TBC1D14: variants seen among roughly 807,000 people sequenced by gnomAD.
The protein encoded by TBC1D14 is TBC1 domain family, member 14.
A neutral mutation model predicts 79.0 loss-of-function variants in TBC1D14; 26 were observed. That is an observed-to-expected ratio of 0.33 (90% CI 0.24 to 0.46). TBC1D14 has a LOEUF of 0.46. Among genes scored for constraint, TBC1D14 ranks in the 20% least tolerant of loss-of-function variants. TBC1D14 has a pLI of 1.00. For missense variants in TBC1D14, 769 were observed against 887.6 expected, an observed-to-expected ratio of 0.87 and a Z score of 1.70; for synonymous variants, 394 against 349.9, an observed-to-expected ratio of 1.13 and a Z score of -1.40.
In TBC1D14 at chr4:7,030,582, G is replaced by A; in HGVS notation, c.*190G>A. ...GAATTAAACCAAGGCTTAGCCTTAA[G>A]CAGCTCAGTGGAAGGATGAGCTGCT... On this transcript the variant is annotated 3_prime_UTR_variant, in exon 14 of 14. Transcript: ENST00000409757. 1 of 543,320 alleles carries A rather than the reference G, an allele frequency of 1.8e-6. No individual in the cohort carries two copies. The highest frequency in any genetic ancestry group is 3.3e-6 in the Non-Finnish European group (1 of 303,902). 33.7% of individuals were successfully genotyped at this position (543,320 alleles called of 1,614,324 possible).
intron 2 of TBC1D14, among the ~76,000 whole-genome samples, chr4:6,943,308 C>T (rs1473325870): frequency 2.0e-5 from 3 of 152,200 alleles, no homozygotes; most frequent in Non-Finnish European, 4.4e-5. Context: ...CTGGGAGCCT[C>T]GGCTGTGATG....
At position 6,987,242 on chromosome 4, in the gene TBC1D14, C is replaced by A. The variant is rs972661927; in HGVS notation, c.844-6942C>A. ...CCGCCCCGCGAGTCTGAGGAGCCGC[C>A]GCGTCCGCCCGCCCGCCCGCGGTCC... On this transcript the variant is annotated intron_variant, in intron 3 of 13. Coordinates refer to ENST00000409757, the MANE Select transcript of TBC1D14 (RefSeq NM_020773.3). 7.9e-6 allele frequency: 10 copies of A among 1,261,860 alleles called. No individual in the cohort carries two copies. The African/African-American group carries it at 1.2e-4, about 16-fold the overall frequency. The allele number at this position is 1,261,860 out of a possible 1,614,324, so 78.2% of individuals were successfully genotyped here. A position where few individuals can be genotyped will look rare whatever the true frequency, so the allele number is the denominator to read the frequency against.
chr4:6,987,568 C>T (rs955443363), intron 3 of TBC1D14: 3 of 406,614 alleles, frequency 7.4e-6, no homozygotes, highest in Non-Finnish European at 1.3e-5. Flanking sequence ...CTCCCTGGTA[C>T]TCTTTGTGTC....
At position 6,994,188 on chromosome 4, in the gene TBC1D14, A is replaced by G. The variant is rs1282548941; in HGVS notation, c.848A>G (p.Tyr283Cys). Residue 283 changes from tyrosine (Y) to cysteine (C), a missense_variant, in exon 4 of 14, where the codon TAT (tyrosine) becomes TGT (cysteine). By Grantham distance (194) the Tyr-to-Cys change is radical (BLOSUM62 -2). Transcript: ENST00000409757. ...QKDSKRIQKE[Y>C]EDKAGRPSKP... ...TCCCTGGTTTCTTTGTCCTAGGAAT[A>G]TGAAGACAAGGCTGGAAGACCTAGC... 6 of 1,613,968 alleles carry G rather than the reference A, an allele frequency of 3.7e-6. No homozygotes were observed. The South Asian group carries it at 4.4e-5, about 12-fold the overall frequency.
intron 1 of TBC1D14, among the ~76,000 whole-genome samples, chr4:6,913,360 T>C (rs1219785591): frequency 1.3e-5 from 2 of 152,238 alleles, no homozygotes; most frequent in Non-Finnish European, 2.9e-5. Context: ...AATGGTTAAG[T>C]GTTCAGCTTA....
chr4:6,964,899 A>G (rs112796850), intron 2 of TBC1D14, among the ~76,000 whole-genome samples: 1,542 of 152,252 alleles, frequency 0.01, 26 homozygotes, highest in African/African-American at 0.035. Context: ...AGATTTACCA[A>G]CTGTGTGCAT....
rs768507151 is a variant in TBC1D14, at chr4:7,001,261, C to T, written c.1270+10C>T. ...TTAAATATCACCCACGGTGAGTGGC[C>T]TGCATGATCCTGGGGAGTCCACCTC... On this transcript the variant is annotated intron_variant, in intron 7 of 13. Coordinates refer to ENST00000409757, the MANE Select transcript of TBC1D14 (RefSeq NM_020773.3). 22 of 1,609,722 alleles carry T rather than the reference C, an allele frequency of 1.4e-5. No homozygotes were observed. The South Asian group carries it at 2.0e-4, about 14-fold the overall frequency.
At chr4:7,019,021 TTTTTG>T (rs1389172820) in intron 12 of TBC1D14, among the ~76,000 whole-genome samples, 1 of 152,178 alleles carries the variant, frequency 6.6e-6, no homozygotes, top group Non-Finnish European at 1.5e-5. Context: ...TTTCCATCTT[TTTTTG>T]TTGTTGTTGT....
intron 1 of TBC1D14, among the ~76,000 whole-genome samples, chr4:6,919,993 C>T (rs1185237287): frequency 6.6e-6 from 1 of 151,088 alleles, no homozygotes; most frequent in East Asian, 2.0e-4. Context: ...CAGCTTACTA[C>T]TGTCTTGAAC....
chr4:7,007,763 G>A lies in TBC1D14; in HGVS notation c.1446+1037G>A, dbSNP rs116402039. On this transcript the variant is annotated intron_variant, in intron 9 of 13. Transcript: ENST00000409757. ...CTTTTGCCCCAGTTCGTCTCCATAGGCCTCAGTGCACTCCATGCTTTGCAG... is the reference window on the plus strand; with the variant it reads ...CTTTTGCCCCAGTTCGTCTCCATAGACCTCAGTGCACTCCATGCTTTGCAG... 254 of 395,412 alleles carry A rather than the reference G, an allele frequency of 6.4e-4. 2 individuals are homozygous for A. The highest frequency in any genetic ancestry group is 4.9e-3 in the African/African-American group (234 of 47,754). 24.5% of individuals were successfully genotyped at this position (395,412 alleles called of 1,614,324 possible).
At position 6,923,917 on chromosome 4, in the gene TBC1D14, C is replaced by T. The variant is rs531196062; in HGVS notation, c.528C>T (p.Asp176=). The stretch of plus-strand genomic sequence containing the variant: ...CCACGCTGTCCGTCAGCAATGAGGA[C>T]ATCTTGGACCTTGTGGTCACGAGCA... ...LSTTLSVSNE[D]ILDLVVTSSS... is the part of the protein sequence containing the mutation. Residue 176 remains aspartate (D), a synonymous_variant, in exon 2 of 14, where the codon GAC becomes GAT. Coordinates refer to ENST00000409757, the MANE Select transcript of TBC1D14 (RefSeq NM_020773.3). The T allele has an allele frequency of 2.7e-5, 44 of 1,614,180 alleles. No homozygotes were observed. Among genetic ancestry groups the T allele is most frequent in the Admixed American group, 2.5e-4 (15 of 60,026 alleles).
intron 12 of TBC1D14, among the ~76,000 whole-genome samples, chr4:7,016,060 C>G (rs150792168): frequency 6.5e-4 from 99 of 152,354 alleles, no homozygotes; most frequent in African/African-American, 2.2e-3. Flanking sequence ...TGAAAGGAAG[C>G]TGACCCTTAG....
At chr4:7,017,952 A>G (rs1197674295) in intron 12 of TBC1D14, among the ~76,000 whole-genome samples, 1 of 152,198 alleles carries the variant, frequency 6.6e-6, no homozygotes, top group African/African-American at 2.4e-5. Flanking sequence ...GGGAGGAAGC[A>G]AAGGGGAAGA....
intron 13 of TBC1D14, among the ~76,000 whole-genome samples, chr4:7,026,033 G>C (rs1016521471): frequency 2.0e-5 from 3 of 152,152 alleles, no homozygotes; most frequent in African/African-American, 7.2e-5. Context: ...CCATGCCTGG[G>C]GGATTTCTTT....
intron 3 of TBC1D14, among the ~76,000 whole-genome samples, chr4:6,972,985 C>T (rs868259060): frequency 1.3e-5 from 2 of 152,090 alleles, no homozygotes; most frequent in South Asian, 2.1e-4. Context: ...TAGGGATTGA[C>T]GTCGTTGTTG....
At chr4:6,958,577 G>A (rs1479724219) in intron 2 of TBC1D14, among the ~76,000 whole-genome samples, 1 of 152,064 alleles carries the variant, frequency 6.6e-6, no homozygotes, top group Non-Finnish European at 1.5e-5. Context: ...CCATAGGTGT[G>A]CACTACCACG....
intron 12 of TBC1D14, among the ~76,000 whole-genome samples, chr4:7,015,610 A>G (rs1444113248): frequency 1.3e-5 from 2 of 152,152 alleles, no homozygotes; most frequent in African/African-American, 4.8e-5. Flanking sequence ...CTGTTAGCCC[A>G]GAGAGCACCA....
chr4:6,979,283 CACAGCAGTTG>C (rs1717139005), intron 3 of TBC1D14, among the ~76,000 whole-genome samples: 1 of 152,142 alleles, frequency 6.6e-6, no homozygotes, highest in Non-Finnish European at 1.5e-5. Context: ...ATGATCTGAA[CACAGCAGTTG>C]TGTGTCTCAA....
chr4:7,027,923 CCACA>C (rs545353856), intron 13 of TBC1D14, among the ~76,000 whole-genome samples: 2 of 149,106 alleles, frequency 1.3e-5, no homozygotes, highest in South Asian at 4.3e-4. Context: ...CACAATCACC[CCACA>C]CAGTTACCCA....
Sources: allele counts gnomAD v4.1 joint callset (sites outside exome capture counted in the v4.1 genomes callset), GRCh38; gene constraint gnomAD v4.1.1; transcripts MANE v1.5; gene names NCBI Gene and HGNC (gene_info 2026-07-23, HGNC 2026-07-21).